The following TAF6L variants were observed in gnomAD, a reference collection of about 807,000 sequenced individuals.
TAF6L encodes TAF6-like RNA polymerase II p300/CBP-associated factor-associated factor 65 kDa subunit 6L.
A neutral mutation model predicts 57.3 loss-of-function variants in TAF6L; 34 were observed. The ratio of observed to expected loss-of-function variants is 0.59; its 90% CI spans 0.45 to 0.79. The LOEUF is 0.79. Among genes scored for constraint, TAF6L ranks in the 30% least tolerant of loss-of-function variants. TAF6L has a pLI of 0.00. For missense variants in TAF6L, 782 were observed against 853.2 expected (o/e 0.92, Z 1.04); for synonymous variants, 417 against 376.3 (o/e 1.11, Z -1.25).
At chr11:62,781,656 C>T (rs764740331) in intron 6 of TAF6L, 42 of 311,958 alleles carry the variant, frequency 1.3e-4, no homozygotes, top group South Asian at 4.2e-4. Context: ...GAGCGAGACT[C>T]GGTCTCAAAA....
At position 62,775,941 on chromosome 11, in the gene TAF6L, C is replaced by G; in HGVS notation, c.147+11C>G. The G allele has an allele frequency of 6.3e-7, 1 of 1,595,418 alleles. No individual in the cohort carries two copies. Among genetic ancestry groups the G allele is most frequent in the Non-Finnish European group, 8.5e-7 (1 of 1,170,094 alleles). On this transcript the variant is annotated intron_variant, in intron 2 of 10. Coordinates refer to ENST00000294168, the MANE Select transcript of TAF6L (RefSeq NM_006473.4). ...AGAGAGGCCACGCAGGTACACTCCC[C>G]TCACCCCCTGATACCTCCAACTTTC...
In TAF6L at chr11:62,775,865, C is replaced by T. The variant is rs142558796; in HGVS notation, c.82C>T (p.Leu28=). ...RLMAESTGLE[L]SDEVAALLAE... ...CATGGCGGAGAGCACGGGCCTGGAG[C>T]TGAGCGATGAGGTGGCGGCGCTGCT... is the stretch of plus-strand genomic sequence containing the variant. Residue 28 remains leucine (L), a synonymous_variant, in exon 2 of 11, where the codon CTG becomes TTG. Transcript: ENST00000294168. 9.1e-4 allele frequency: 1,472 copies of T among 1,613,920 alleles called. 3 individuals are homozygous for T. The highest frequency in any genetic ancestry group is 6.3e-4 in the Non-Finnish European group (742 of 1,180,006).
intron 9 of TAF6L, 124 bp from the exon 10 acceptor site, chr11:62,786,136 G>A: frequency 8.1e-7 from 1 of 1,229,902 alleles, no homozygotes; most frequent in Non-Finnish European, 1.1e-6. Context: ...TGCCAATCAG[G>A]GAATTTAGGA....
Position 62,782,140 on chromosome 11 carries a change from C to T in TAF6L, c.634C>T (p.Gln212Ter). The change falls in exon 8 of 11, where the codon CAA (glutamine) becomes TAA (stop). Residue 212 changes from glutamine to a stop codon, truncating the protein, a stop_gained. Coordinates refer to ENST00000294168, the MANE Select transcript of TAF6L (RefSeq NM_006473.4). LOFTEE classifies it high-confidence loss of function. ...GVKSVSHDLEQLHRLLQVARS... is the reference protein window; with the variant it reads ...GVKSVSHDLE ...GAAATCTGTAAGCCATGACCTGGAG[C>T]AACTGCACCGGCTGCTGCAGGTGGC... 6.2e-7 allele frequency: 1 copy of T among 1,611,760 alleles called. No individual in the cohort carries two copies.
chr11:62,782,588 A>T, intron 8 of TAF6L, 105 bp from the exon 9 acceptor site: 2 of 1,505,384 alleles, frequency 1.3e-6, no homozygotes, highest in South Asian at 1.3e-5. Flanking sequence ...TAACCCCAGC[A>T]CTCCCGAGTG....
intron 1 of TAF6L, chr11:62,771,940 T>G (rs78063688): frequency 2.8e-6 from 1 of 356,118 alleles, no homozygotes; most frequent in Middle Eastern, 5.9e-4. Flanking sequence ...AAGGGGTGGG[T>G]CTCCAATCCA....
chr11:62,781,732 T>A (rs1395469329), intron 6 of TAF6L, 162 bp from the exon 7 acceptor site: 24 of 674,874 alleles, frequency 3.6e-5, no homozygotes, highest in Non-Finnish European at 5.5e-5. Context: ...TGAATGAGTT[T>A]CTGTAGGTTA....
chr11:62,774,503 G>A, intron 1 of TAF6L: 1 of 447,024 alleles, frequency 2.2e-6, no homozygotes, highest in South Asian at 1.6e-5. Flanking sequence ...CCTGCCAGAG[G>A]AGTAGTGGGG....
rs989447528 is a variant in TAF6L, at chr11:62,786,785, C to A, written c.1358C>A (p.Ala453Asp). The A allele has an allele frequency of 6.2e-7, 1 of 1,611,550 alleles. No homozygotes were observed. Among genetic ancestry groups the A allele is most frequent in the Non-Finnish European group, 8.5e-7 (1 of 1,179,810 alleles). The change falls in exon 11 of 11, where the codon GCC becomes GAC. Residue 453 changes from alanine (A) to aspartate (D), a missense_variant. This residue lies in a region of TAF6L where 483 missense variants were observed against 445.1 expected (regional missense o/e 1.09). Coordinates refer to ENST00000294168, the MANE Select transcript of TAF6L (RefSeq NM_006473.4). ...TACGCCTTCTTCGGTGACAGCTTGGCCACACGCTTTGGCACCGGCCAGCCT... is the reference window on the plus strand; with the variant it reads ...TACGCCTTCTTCGGTGACAGCTTGGACACACGCTTTGGCACCGGCCAGCCT... ...ELYAFFGDSL[A>D]TRFGTGQPAP...
chr11:62,784,126 C>T (rs2084252236), intron 9 of TAF6L, among the ~76,000 whole-genome samples: 1 of 142,074 alleles, frequency 7.0e-6, no homozygotes, highest in South Asian at 2.3e-4. Flanking sequence ...GTAGCTGGGA[C>T]TTACAGGCAC....
chr11:62,777,061 C>T (rs1219141843), intron 3 of TAF6L, among the ~76,000 whole-genome samples: 7 of 151,846 alleles, frequency 4.6e-5, no homozygotes, highest in African/African-American at 9.7e-5. Flanking sequence ...GCAGGAGAAT[C>T]GCGTGAACCT....
chr11:62,780,085 G>T (rs1435652169), intron 6 of TAF6L, among the ~76,000 whole-genome samples: 1 of 149,782 alleles, frequency 6.7e-6, no homozygotes, highest in African/African-American at 2.5e-5. Context: ...TTGGGAGGCA[G>T]AGGTGGGCGG....
chr11:62,777,836 CA>C, intron 3 of TAF6L, 141 bp from the exon 4 acceptor site: 1 of 1,024,224 alleles, frequency 9.8e-7, no homozygotes, highest in South Asian at 1.7e-5. Context: ...CTCTGAGTCC[CA>C]GGCTTCCACC....
chr11:62,776,225 G>C (rs945321257), intron 2 of TAF6L, among the ~76,000 whole-genome samples, 159 bp from the exon 3 acceptor site: 2 of 152,190 alleles, frequency 1.3e-5, no homozygotes, highest in African/African-American at 2.4e-5. Context: ...TGACACCCGG[G>C]GGGTGTTTTT....
chr11:62,778,843 C>T, intron 5 of TAF6L, 26 bp from the exon 6 acceptor site: 3 of 1,606,530 alleles, frequency 1.9e-6, no homozygotes, highest in Non-Finnish European at 2.6e-6. Flanking sequence ...TCCACCTGTC[C>T]CTGCTTCCTG....
chr11:62,782,506 A>T, intron 8 of TAF6L, 173 bp downstream of exon 8: 1 of 1,051,454 alleles, frequency 9.5e-7, no homozygotes, highest in Non-Finnish European at 1.4e-6. Context: ...AAAATGGATT[A>T]CAAATACGCC....
Position 62,787,111 on chromosome 11 carries a change from TTCA to T in TAF6L, c.1689_1691del (p.Ile564del), listed in dbSNP as rs2134731879. The T allele has an allele frequency of 6.4e-7, 1 of 1,550,510 alleles. No individual in the cohort carries two copies. Among genetic ancestry groups the T allele is most frequent in the East Asian group, 2.4e-5 (1 of 41,104 alleles). On this transcript the variant is annotated inframe_deletion, in exon 11 of 11. Coordinates refer to ENST00000294168, the MANE Select transcript of TAF6L (RefSeq NM_006473.4). Reference sequence around the variant, plus strand: ...CCCGCGCGGCGCCCCGCACTTTCGTTTCATCATAGCCGGGCGGCAGGCTGGGAG... The same window carrying T: ...CCCGCGCGGCGCCCCGCACTTTCGTTTCATAGCCGGGCGGCAGGCTGGGAG...
At chr11:62,784,300 T>G (rs1354896801) in intron 9 of TAF6L, among the ~76,000 whole-genome samples, 1 of 145,088 alleles carries the variant, frequency 6.9e-6, no homozygotes, top group East Asian at 2.1e-4. Flanking sequence ...TATATATATA[T>G]TCTTAATTTT....
intron 1 of TAF6L, chr11:62,774,625 C>T (rs1481330400): frequency 4.4e-6 from 2 of 455,066 alleles, no homozygotes; most frequent in African/African-American, 4.0e-5. Flanking sequence ...TGGAGTGAGT[C>T]ATCAGCTGCT....
Sources: gnomAD v4.1 joint callset for allele counts (sites outside exome capture counted in the v4.1 genomes callset) on GRCh38, gnomAD v4.1.1 for gene constraint, gnomAD v4.1.1 regional missense constraint, MANE v1.5 for transcripts, NCBI Gene and HGNC (gene_info 2026-07-23, HGNC 2026-07-21) for gene names.